The following NTM variants were observed in gnomAD, a reference collection of about 807,000 sequenced individuals.
NTM encodes neurotrimin.
A neutral mutation model predicts 42.1 loss-of-function variants in NTM; 13 were observed. The ratio of observed to expected loss-of-function variants is 0.31; its 90% CI spans 0.20 to 0.49. The LOEUF (loss-of-function observed/expected upper bound fraction) is 0.49. Ranked by LOEUF, NTM falls within the 20% of genes least tolerant of loss-of-function variation. The pLI, the probability that NTM is intolerant of heterozygous loss-of-function variation, is 0.99. For synonymous variants in NTM, 187 were observed against 179.2 expected (o/e 1.04, Z -0.35); for missense variants, 373 against 452.8 (o/e 0.82, Z 1.60).
At chr11:131,612,574 T>C (rs1206626466) in intron 1 of NTM, among the ~76,000 whole-genome samples, 1 of 152,244 alleles carries the variant, frequency 6.6e-6, no homozygotes, top group African/African-American at 2.4e-5. Flanking sequence ...AAGAAATGGA[T>C]GCATATTAGA....
chr11:131,639,361 T>A (rs186740422), intron 1 of NTM, among the ~76,000 whole-genome samples: 1 of 152,338 alleles, frequency 6.6e-6, no homozygotes, highest in African/African-American at 2.4e-5. Flanking sequence ...TAGCATTTAT[T>A]TTCCAGAGAA....
At chr11:131,508,687 A>G (rs1283872946) in intron 1 of NTM, among the ~76,000 whole-genome samples, 5 of 151,146 alleles carry the variant, frequency 3.3e-5, no homozygotes, top group Admixed American at 6.6e-5. Context: ...CATATACACC[A>G]TGGAATACTA....
chr11:131,796,738 G>C (rs2091612920), intron 1 of NTM, among the ~76,000 whole-genome samples: 1 of 152,178 alleles, frequency 6.6e-6, no homozygotes, highest in Non-Finnish European at 1.5e-5. Context: ...TGAGAGGCTG[G>C]AGCTGGCACA....
rs986870241 is a variant in NTM, at chr11:132,002,057, G to A, written c.167+90409G>A. Among the ~76,000 whole-genome samples the A allele has an allele frequency of 6.6e-6, 1 of 152,178 alleles. No homozygotes were observed. The highest frequency in any genetic ancestry group is 2.4e-5 in the African/African-American group (1 of 41,462). ...GACAGCCAAAGAGGAATCAGAATCA[G>A]TTAATGAATTAGGCTCACAGGGGTG... On this transcript the variant is annotated intron_variant, in intron 2 of 8. Transcript: ENST00000683400. The surrounding 1 kb of genome is among the most constrained non-coding windows in gnomAD (Gnocchi z 4.5).
intron 2 of NTM, among the ~76,000 whole-genome samples, chr11:132,087,400 G>A (rs555945616): frequency 2.0e-5 from 3 of 152,160 alleles, no homozygotes; most frequent in Non-Finnish European, 2.9e-5. Flanking sequence ...CCTACATTGT[G>A]CCTTTTAACT....
chr11:131,676,402 C>T (rs549300027), intron 1 of NTM, among the ~76,000 whole-genome samples: 3 of 152,142 alleles, frequency 2.0e-5, no homozygotes, highest in Non-Finnish European at 4.4e-5. Flanking sequence ...TGAAGGGCTG[C>T]GTTGGAGTTT....
chr11:131,503,527 A>ATTTTTT (rs34452341), intron 1 of NTM, among the ~76,000 whole-genome samples: 29 of 146,126 alleles, frequency 2.0e-4, no homozygotes, highest in African/African-American at 6.3e-4. Flanking sequence ...TGAGGTTACA[A>ATTTTTT]TTTTTTTTTT....
chr11:131,888,505 T>C (rs1191340174), intron 1 of NTM, among the ~76,000 whole-genome samples: 2 of 152,148 alleles, frequency 1.3e-5, no homozygotes, highest in African/African-American at 4.8e-5. Context: ...GCCCCAGGTT[T>C]GGTTCCTTCA....
chr11:131,720,824 CCT>C (rs2078245788), intron 1 of NTM, among the ~76,000 whole-genome samples: 1 of 152,110 alleles, frequency 6.6e-6, no homozygotes, highest in Admixed American at 6.6e-5. Flanking sequence ...AATTACCTAG[CCT>C]CTCTCTGCCT....
At chr11:131,975,366 G>A (rs753125434) in intron 2 of NTM, among the ~76,000 whole-genome samples, 21 of 152,126 alleles carry the variant, frequency 1.4e-4, no homozygotes, top group Non-Finnish European at 2.9e-4. Flanking sequence ...TTTTAGTAGA[G>A]ATAGGGTTTC....
chr11:131,524,542 T>G (rs1367119304), intron 1 of NTM, among the ~76,000 whole-genome samples: 1 of 152,120 alleles, frequency 6.6e-6, no homozygotes, highest in Admixed American at 6.5e-5. Context: ...AGAAGAACAG[T>G]TTTGAAGTAG....
At chr11:132,212,519 G>C (rs1162914457) in intron 4 of NTM, among the ~76,000 whole-genome samples, 1 of 152,166 alleles carries the variant, frequency 6.6e-6, no homozygotes, top group African/African-American at 2.4e-5. Context: ...ATGGGTGAGA[G>C]CTTTAAATGG....
intron 2 of NTM, among the ~76,000 whole-genome samples, chr11:132,082,704 T>A (rs938078747): frequency 6.6e-6 from 1 of 152,194 alleles, no homozygotes; most frequent in Admixed American, 6.5e-5. Context: ...TGAAGACTGA[T>A]CTTAACTGAT....
At chr11:132,066,601 G>A (rs537619416) in intron 2 of NTM, among the ~76,000 whole-genome samples, 304 of 152,276 alleles carry the variant, frequency 2.0e-3, no homozygotes, top group African/African-American at 4.6e-3. Context: ...CCGCAGGAGC[G>A]TAGGGGATAA....
intron 3 of NTM, among the ~76,000 whole-genome samples, chr11:132,174,163 CA>C (rs1308050188): frequency 6.6e-6 from 1 of 152,192 alleles, no homozygotes; most frequent in African/African-American, 2.4e-5. Flanking sequence ...TGTTTATTAG[CA>C]AAAAATGTTT....
intron 1 of NTM, among the ~76,000 whole-genome samples, chr11:131,793,327 C>T (rs888952232): frequency 1.3e-5 from 2 of 152,094 alleles, no homozygotes; most frequent in African/African-American, 4.8e-5. Flanking sequence ...AGGTGAAAGA[C>T]CATCTCTGTC....
chr11:132,334,395 T>C (rs947320733), intron 8 of NTM, among the ~76,000 whole-genome samples: 7 of 152,180 alleles, frequency 4.6e-5, no homozygotes, highest in African/African-American at 1.7e-4. Context: ...CCTCCATCCA[T>C]GTGGGCTGGC....
chr11:132,296,173 G>T (rs2094602289), intron 4 of NTM, among the ~76,000 whole-genome samples: 1 of 152,186 alleles, frequency 6.6e-6, no homozygotes, highest in African/African-American at 2.4e-5. Context: ...TGTCTGGGAA[G>T]CATACAGAGT....
rs917716080 is a variant in NTM at position 131,820,532 on chromosome 11, A to G, written c.83-91032A>G. On this transcript the variant is annotated intron_variant, in intron 1 of 8. Coordinates refer to ENST00000683400, the MANE Select transcript of NTM (RefSeq NM_001352005.2). ...GAAAATGAACATTAGTGTATCTACTACCTAGATTAATTTTTTTAAATGGGG... is the reference window on the plus strand; with the variant it reads ...GAAAATGAACATTAGTGTATCTACTGCCTAGATTAATTTTTTTAAATGGGG... 3.9e-5 allele frequency among the ~76,000 whole-genome samples: 6 copies of G among 152,310 alleles called. No individual in the cohort carries two copies. The East Asian group carries it at 1.2e-3, about 29-fold the overall frequency.
Sources: allele counts gnomAD v4.1 joint callset (sites outside exome capture counted in the v4.1 genomes callset), GRCh38; gene constraint gnomAD v4.1.1; non-coding constraint Gnocchi (gnomAD v3.1); transcripts MANE v1.5; gene names NCBI Gene and HGNC (gene_info 2026-07-23, HGNC 2026-07-21).